Variants in CACNA1E observed in about 807,000 individuals in gnomAD.
CACNA1E encodes voltage-dependent R-type calcium channel subunit alpha-1E.
A neutral mutation model predicts 259.2 loss-of-function variants in CACNA1E; 40 were observed. The observed-to-expected ratio is 0.15, with a 90% CI of 0.12 to 0.20. The LOEUF (loss-of-function observed/expected upper bound fraction) is 0.20, where lower values mean the gene tolerates loss of function less well. Ranked by LOEUF, CACNA1E falls within the 10% of genes least tolerant of loss-of-function variation. The probability of loss-of-function intolerance (pLI) is 1.00; values close to 1 mark genes in which losing one functional copy is unlikely to be tolerated. For synonymous variants in CACNA1E, 1,104 were observed against 1,138.5 expected (o/e 0.97, Z 0.61); for missense variants, 1,874 against 3,040.1 (o/e 0.62, Z 9.02).
chr1:181,762,616 G>T lies in CACNA1E; in HGVS notation c.4648G>T (p.Val1550Leu). The T allele has an allele frequency of 6.2e-7, 1 of 1,607,910 alleles. No homozygotes were observed. Among genetic ancestry groups the T allele is most frequent in the South Asian group, 1.1e-5 (1 of 89,920 alleles). Residue 1550 changes from valine to leucine, a missense_variant, in exon 33 of 48, where the codon GTG (valine) becomes TTG (leucine). Val to Leu is a conservative substitution (Grantham distance 32). Coordinates refer to ENST00000367573, the MANE Select transcript of CACNA1E (RefSeq NM_001205293.3). Reference sequence around the variant, plus strand: ...CTGGAATATCTTTGACTTCATCACCGTGATTGGCAGTATCACAGAAATTAT... The same window carrying T: ...CTGGAATATCTTTGACTTCATCACCTTGATTGGCAGTATCACAGAAATTAT... ...DTWNIFDFIT[V>L]IGSITEIILT...
At chr1:181,648,510 G>A (rs920672910) in intron 6 of CACNA1E, among the ~76,000 whole-genome samples, 1 of 152,170 alleles carries the variant, frequency 6.6e-6, no homozygotes, top group Non-Finnish European at 1.5e-5. Flanking sequence ...TTTATGAAAT[G>A]GTGGAATAAA....
chr1:181,575,901 G>C (rs7511748), intron 3 of CACNA1E, among the ~76,000 whole-genome samples: 5 of 151,714 alleles, frequency 3.3e-5, no homozygotes, highest in Non-Finnish European at 7.4e-5. Flanking sequence ...TCTTTATCTC[G>C]CTCTTTCTCT....
intron 5 of CACNA1E, among the ~76,000 whole-genome samples, chr1:181,580,354 G>T (rs1184362703): frequency 6.6e-6 from 1 of 152,182 alleles, no homozygotes; most frequent in Non-Finnish European, 1.5e-5. Context: ...CTTGCAGAGA[G>T]CAGGGGACTA....
intron 7 of CACNA1E, among the ~76,000 whole-genome samples, chr1:181,703,734 C>A (rs1043302029): frequency 6.6e-6 from 1 of 152,116 alleles, no homozygotes; most frequent in East Asian, 1.9e-4. Flanking sequence ...CTAGGTCTGC[C>A]GCCACCGCCC....
chr1:181,322,963 G>A (rs1650480086), intron 1 of CACNA1E, among the ~76,000 whole-genome samples: 1 of 152,188 alleles, frequency 6.6e-6, no homozygotes, highest in South Asian at 2.1e-4. Flanking sequence ...GTATGGCACG[G>A]GAGTGCATCC....
intron 6 of CACNA1E, among the ~76,000 whole-genome samples, chr1:181,621,389 T>A (rs1655706683): frequency 6.6e-6 from 1 of 152,148 alleles, no homozygotes; most frequent in Admixed American, 6.5e-5. Flanking sequence ...TGGAGAGTGT[T>A]AAAGGTAATT....
intron 3 of CACNA1E, among the ~76,000 whole-genome samples, chr1:181,553,430 C>T (rs1648395550): frequency 6.6e-6 from 1 of 152,132 alleles, no homozygotes; most frequent in African/African-American, 2.4e-5. Context: ...TCTAAATATA[C>T]AATTATGTCA....
Position 181,772,170 on chromosome 1 carries a change from G to A in CACNA1E, c.5078G>A (p.Arg1693His), listed in dbSNP as rs964315512. Residue 1693 changes from arginine to histidine, a missense_variant, in exon 37 of 48, where the codon CGC becomes CAC. By Grantham distance (29) the Arg-to-His change is conservative. Coordinates refer to ENST00000367573, the MANE Select transcript of CACNA1E (RefSeq NM_001205293.3). ...CCATCAGGGCAGAACGAGAACGAAC[G>A]CTGCGGCACCGATCTGGCCTACGTG... is the stretch of plus-strand genomic sequence containing the variant. ...TAPSGQNENE[R>H]CGTDLAYVYF... 36 of 1,613,850 alleles carry A rather than the reference G, an allele frequency of 2.2e-5. No individual in the cohort carries two copies. Among genetic ancestry groups the A allele is most frequent in the Non-Finnish European group, 2.9e-5 (34 of 1,179,872 alleles).
intron 1 of CACNA1E, among the ~76,000 whole-genome samples, chr1:181,345,995 G>A (rs1652562965): frequency 6.6e-6 from 1 of 152,218 alleles, no homozygotes; most frequent in Non-Finnish European, 1.5e-5. Flanking sequence ...TTTCTGAGGG[G>A]CAGGCCATAG....
chr1:181,528,694 G>A (rs530304258), intron 3 of CACNA1E, among the ~76,000 whole-genome samples: 1 of 152,334 alleles, frequency 6.6e-6, no homozygotes, highest in Admixed American at 6.5e-5. Context: ...CTCTTGTTAT[G>A]TTTTTGCAAA....
intron 16 of CACNA1E, among the ~76,000 whole-genome samples, chr1:181,722,232 C>T (rs1654474529): frequency 6.6e-6 from 1 of 152,150 alleles, no homozygotes; most frequent in Non-Finnish European, 1.5e-5. Context: ...TAATTACATG[C>T]TAATGTAGAA....
chr1:181,468,220 C>T (rs1403897512), intron 2 of CACNA1E, among the ~76,000 whole-genome samples: 2 of 152,138 alleles, frequency 1.3e-5, no homozygotes, highest in Non-Finnish European at 2.9e-5. Context: ...ATATTGTACT[C>T]GAGATGTGAG....
Position 181,781,515 on chromosome 1 carries a change from G to A in CACNA1E, c.5356G>A (p.Ala1786Thr). The A allele has an allele frequency of 1.3e-6, 2 of 1,550,600 alleles. No individual in the cohort carries two copies. Among genetic ancestry groups the A allele is most frequent in the African/African-American group, 1.4e-5 (1 of 73,748 alleles). ...CGGCAAGAGATGTCCCTCCAAAGTG[G>A]CATATAAGGTAGACCACCCCTTCCT... The part of the protein sequence containing the change: ...GLGKRCPSKV[A>T]YKRLVLMNMP... Residue 1786 changes from alanine (A) to threonine (T), a missense_variant, in exon 39 of 48, where the codon GCA (alanine) becomes ACA (threonine). By Grantham distance (58) the Ala-to-Thr change is moderately conservative (BLOSUM62 0). Transcript: ENST00000367573.
chr1:181,723,709 A>T (rs922860519), intron 16 of CACNA1E, among the ~76,000 whole-genome samples: 6 of 152,162 alleles, frequency 3.9e-5, no homozygotes, highest in African/African-American at 1.4e-4. Flanking sequence ...GGGTTTGGTT[A>T]ATTTGCTAGA....
chr1:181,630,260 T>C (rs1022289391), intron 6 of CACNA1E, among the ~76,000 whole-genome samples: 2 of 152,192 alleles, frequency 1.3e-5, no homozygotes, highest in East Asian at 1.9e-4. Context: ...TTTCTGCTAC[T>C]GTCTTGCCAT....
At chr1:181,606,133 C>G (rs1654213713) in intron 6 of CACNA1E, among the ~76,000 whole-genome samples, 1 of 152,112 alleles carries the variant, frequency 6.6e-6, no homozygotes, top group Non-Finnish European at 1.5e-5. Context: ...TTTGAAGTCT[C>G]TTGACTATAC....
intron 3 of CACNA1E, among the ~76,000 whole-genome samples, chr1:181,546,029 C>T (rs1390211857): frequency 3.3e-5 from 5 of 152,024 alleles, no homozygotes; most frequent in South Asian, 2.1e-4. Flanking sequence ...TGCAGGAGAG[C>T]GGGATGACTG....
intron 7 of CACNA1E, among the ~76,000 whole-genome samples, chr1:181,653,549 A>T (rs1319670251): frequency 1.3e-5 from 2 of 152,162 alleles, no homozygotes; most frequent in African/African-American, 2.4e-5. Flanking sequence ...ACGAAAATGG[A>T]CTAATACAGC....
At position 181,711,082 on chromosome 1, in the gene CACNA1E, G is replaced by A. The variant is rs367834352; in HGVS notation, c.1171+13G>A. Reference sequence around the variant, plus strand: ...ATAGACAAAGCAGGTAGGCCTGGGGGGCTGCAGGAGGCTGGTGAGTGGGCT... The same window carrying A: ...ATAGACAAAGCAGGTAGGCCTGGGGAGCTGCAGGAGGCTGGTGAGTGGGCT... On this transcript the variant is annotated intron_variant, in intron 8 of 47. Coordinates refer to ENST00000367573, the MANE Select transcript of CACNA1E (RefSeq NM_001205293.3). 1.6e-4 allele frequency: 245 copies of A among 1,562,046 alleles called. 2 individuals carry two copies. The African/African-American group carries it at 2.3e-3, about 15-fold the overall frequency.
Sources: allele counts gnomAD v4.1 joint callset (sites outside exome capture counted in the v4.1 genomes callset), GRCh38; gene constraint gnomAD v4.1.1; transcripts MANE v1.5; gene names NCBI Gene and HGNC (gene_info 2026-07-23, HGNC 2026-07-21).